Variants in CCNY observed in about 807,000 individuals in gnomAD.
CCNY encodes cyclin Y, also known as cyclin-Y.
In CCNY, 19 loss-of-function variants were observed where a neutral mutation model predicts 42.8. The observed-to-expected ratio is 0.44, with a 90% CI of 0.31 to 0.65. The LOEUF (loss-of-function observed/expected upper bound fraction) is 0.65, where lower values mean the gene tolerates loss of function less well. Ranked by LOEUF, CCNY falls within the 30% of genes least tolerant of loss-of-function variation. The pLI is 0.07. For missense variants in CCNY, 370 were observed against 437.3 expected, an observed-to-expected ratio of 0.85 and a Z score of 1.37; for synonymous variants, 165 against 162.7, an observed-to-expected ratio of 1.01 and a Z score of -0.11.
intron 1 of CCNY, among the ~76,000 whole-genome samples, chr10:35,424,041 G>C (rs559297496): frequency 7.9e-4 from 121 of 152,252 alleles, no homozygotes; most frequent in African/African-American, 2.6e-3. Context: ...TGGCCACACT[G>C]CCTGGGGCTC....
chr10:35,516,498 T>G (rs770538554), intron 3 of CCNY, 25 bp from the exon 4 acceptor site: 3 of 1,533,386 alleles, frequency 2.0e-6, no homozygotes, highest in Non-Finnish European at 9.0e-7. Flanking sequence ...GTAATTGCCT[T>G]AATCTTCTTG....
chr10:35,402,395 G>C (rs1457272961), intron 1 of CCNY, among the ~76,000 whole-genome samples: 1 of 152,132 alleles, frequency 6.6e-6, no homozygotes, highest in African/African-American at 2.4e-5. Flanking sequence ...TGTCCAAAGG[G>C]GTTCAGTGTT....
At position 35,529,953 on chromosome 10, in the gene CCNY, T is replaced by G; in HGVS notation, c.402-20T>G. 1 of 1,597,970 alleles carries G rather than the reference T, an allele frequency of 6.3e-7. No individual in the cohort carries two copies. Among genetic ancestry groups the G allele is most frequent in the South Asian group, 1.1e-5 (1 of 90,388 alleles). On this transcript the variant is annotated intron_variant, in intron 5 of 9. Transcript: ENST00000374704. Reference sequence around the variant, plus strand: ...TTCTTGCAGAAAGTAAGTTTCATTTTCTATTATTTTCCCTACCAGGGACCC... The same window carrying G: ...TTCTTGCAGAAAGTAAGTTTCATTTGCTATTATTTTCCCTACCAGGGACCC...
At chr10:35,521,157 A>T (rs1279955231) in intron 4 of CCNY, among the ~76,000 whole-genome samples, 2 of 152,254 alleles carry the variant, frequency 1.3e-5, no homozygotes, top group African/African-American at 4.8e-5. Flanking sequence ...TGTGCAAGAA[A>T]ATAGCATTTA....
intron 3 of CCNY, among the ~76,000 whole-genome samples, chr10:35,267,156 T>C (rs912519206): frequency 6.6e-6 from 1 of 151,414 alleles, no homozygotes; most frequent in African/African-American, 2.4e-5. Flanking sequence ...AAGAGAGTCA[T>C]TCCAGGACGG....
chr10:35,407,793 G>A (rs1242840957), intron 1 of CCNY, among the ~76,000 whole-genome samples: 1 of 152,086 alleles, frequency 6.6e-6, no homozygotes, highest in Non-Finnish European at 1.5e-5. Context: ...GGAGAAGGGG[G>A]GTGGGGAGCA....
chr10:35,444,698 G>A (rs1838753267), intron 1 of CCNY, among the ~76,000 whole-genome samples: 1 of 152,264 alleles, frequency 6.6e-6, no homozygotes, highest in African/African-American at 2.4e-5. Flanking sequence ...CATTGATGCA[G>A]TCTGTTGACC....
chr10:35,340,851 T>C (rs918357156), intron 1 of CCNY, among the ~76,000 whole-genome samples: 4 of 152,192 alleles, frequency 2.6e-5, no homozygotes, highest in Non-Finnish European at 5.9e-5. Context: ...ACAACTCACT[T>C]TCTCCCTCGT....
intron 9 of CCNY, chr10:35,566,427 C>G (rs1282301951): frequency 1.2e-5 from 5 of 420,014 alleles, no homozygotes; most frequent in Admixed American, 4.2e-5. Context: ...CCATTGCAGT[C>G]TCTGCCTCCC....
rs12255366 is a variant in CCNY, at chr10:35,459,720, A to G, written c.155-23684A>G. ...TCCTCCACCAGCTCAGCCCCTGTAG[A>G]GCATACTCTCATTGCACCATCATGA... On this transcript the variant is annotated intron_variant, in intron 1 of 9. Coordinates refer to ENST00000374704, the MANE Select transcript of CCNY (RefSeq NM_145012.6). Among the ~76,000 whole-genome samples, 1,250 of 152,242 alleles carry G rather than the reference A, an allele frequency of 8.2e-3. 22 individuals carry two copies. Among genetic ancestry groups the G allele is most frequent in the African/African-American group, 0.029 (1,196 of 41,536 alleles).
At chr10:35,390,184 TATAG>T (rs1307812996) in intron 1 of CCNY, among the ~76,000 whole-genome samples, 3 of 152,244 alleles carry the variant, frequency 2.0e-5, no homozygotes, top group Non-Finnish European at 4.4e-5. Flanking sequence ...TGTGGCTGAA[TATAG>T]ATAAATTCTT....
At chr10:35,548,801 C>T (rs921768211) in intron 7 of CCNY, among the ~76,000 whole-genome samples, 3 of 151,946 alleles carry the variant, frequency 2.0e-5, no homozygotes, top group Non-Finnish European at 2.9e-5. Flanking sequence ...AAAAAATCTG[C>T]GTATTAGTGG....
intron 1 of CCNY, among the ~76,000 whole-genome samples, chr10:35,452,263 A>T (rs1838935175): frequency 6.6e-6 from 1 of 152,152 alleles, no homozygotes; most frequent in Non-Finnish European, 1.5e-5. Flanking sequence ...AAGTGATTGG[A>T]GTGATTTCTG....
At chr10:35,390,403 G>C (rs867709591) in intron 1 of CCNY, among the ~76,000 whole-genome samples, 1 of 152,168 alleles carries the variant, frequency 6.6e-6, no homozygotes, top group Admixed American at 6.5e-5. Context: ...AAATAGAGCT[G>C]CTTATCTGTT....
At chr10:35,403,244 A>G (rs1837682818) in intron 1 of CCNY, among the ~76,000 whole-genome samples, 1 of 152,200 alleles carries the variant, frequency 6.6e-6, no homozygotes, top group Non-Finnish European at 1.5e-5. Context: ...GAGAGGTTCT[A>G]AGAGACGGGC....
chr10:35,382,331 C>T (rs1837204723), intron 1 of CCNY, among the ~76,000 whole-genome samples: 1 of 152,154 alleles, frequency 6.6e-6, no homozygotes. Context: ...ACTGTGTGTG[C>T]GACAGAGGCA....
intron 1 of CCNY, among the ~76,000 whole-genome samples, chr10:35,396,571 C>T (rs755376902): frequency 2.0e-5 from 3 of 152,250 alleles, no homozygotes; most frequent in Non-Finnish European, 4.4e-5. Flanking sequence ...TTCTCTGTTG[C>T]GTGTTCTCGG....
chr10:35,331,475 C>T (rs777415153), intron 3 of CCNY, among the ~76,000 whole-genome samples: 9 of 152,166 alleles, frequency 5.9e-5, no homozygotes, highest in African/African-American at 1.9e-4. Context: ...GGGCTTTCTC[C>T]CAGATGCCAG....
intron 1 of CCNY, among the ~76,000 whole-genome samples, chr10:35,415,585 C>G (rs1564402454): frequency 6.6e-6 from 1 of 152,208 alleles, no homozygotes; most frequent in Non-Finnish European, 1.5e-5. Context: ...TTTCCTCAGT[C>G]TGCAGGGGAG....
Sources: allele counts gnomAD v4.1 joint callset (sites outside exome capture counted in the v4.1 genomes callset), GRCh38; gene constraint gnomAD v4.1.1; transcripts MANE v1.5; gene names NCBI Gene and HGNC (gene_info 2026-07-23, HGNC 2026-07-21).